NFATC2: variants seen among roughly 807,000 people sequenced by gnomAD.
The protein encoded by NFATC2 is nuclear factor of activated T-cells, cytoplasmic 2.
NFATC2 carries 22 observed loss-of-function variants against 87.3 expected under a neutral mutation model. The ratio of observed to expected loss-of-function variants is 0.25; its 90% CI spans 0.18 to 0.36. The LOEUF is 0.36. NFATC2 is among the 10% of genes least tolerant of loss of function. The pLI is 1.00. For synonymous variants in NFATC2, 565 were observed against 542.2 expected (o/e 1.04, Z -0.58); for missense variants, 1,149 against 1,259.1 (o/e 0.91, Z 1.32).
upstream of NFATC2, among the ~76,000 whole-genome samples, chr20:51,543,176 T>C (rs2076853632): frequency 6.6e-6 from 1 of 152,148 alleles, no homozygotes; most frequent in South Asian, 2.1e-4. Flanking sequence ...TGCATGGCCC[T>C]GAACTCAACT....
upstream of NFATC2, chr20:51,562,788 G>T: frequency 1.7e-6 from 1 of 598,368 alleles, no homozygotes; most frequent in Non-Finnish European, 2.9e-6. The surrounding 1 kb of genome is among the most constrained non-coding windows in gnomAD (Gnocchi z 5.8). Flanking sequence ...CCGGCTCCCG[G>T]CTCGGCGGAG....
chr20:51,533,130 CAG>C (rs368783492), intron 1 of NFATC2, among the ~76,000 whole-genome samples: 1 of 152,236 alleles, frequency 6.6e-6, no homozygotes, highest in Admixed American at 6.5e-5. Flanking sequence ...GGGGAGCAGA[CAG>C]AGAGGCAAAC....
intron 3 of NFATC2, among the ~76,000 whole-genome samples, chr20:51,515,685 T>TAAA (rs11481096): frequency 3.5e-5 from 5 of 144,458 alleles, no homozygotes; most frequent in African/African-American, 1.3e-4. Context: ...GTGTCTGATT[T>TAAA]AAAAAAAAAA....
chr20:51,525,782 A>T (rs1221988842), intron 1 of NFATC2, among the ~76,000 whole-genome samples: 1 of 151,594 alleles, frequency 6.6e-6, no homozygotes, highest in Non-Finnish European at 1.5e-5. Context: ...TGGCCTCCCC[A>T]CTTCCTCTGT....
At chr20:51,411,516 CTTTTTTTTTTTTTT>C (rs67935951) in intron 9 of NFATC2, among the ~76,000 whole-genome samples, 1,580 of 87,256 alleles carry the variant, frequency 0.018, 39 homozygotes, top group African/African-American at 0.062. Flanking sequence ...ATGCAATTGT[CTTTTTTTTTTTTTT>C]TTTTTTTTTT....
At chr20:51,489,313 G>A (rs917883066) in intron 3 of NFATC2, among the ~76,000 whole-genome samples, 1 of 152,234 alleles carries the variant, frequency 6.6e-6, no homozygotes, top group African/African-American at 2.4e-5. Flanking sequence ...GGAGTATAGA[G>A]GTGGTAGCTG....
intron 3 of NFATC2, among the ~76,000 whole-genome samples, chr20:51,502,680 G>C (rs1600887530): frequency 1.3e-5 from 2 of 151,538 alleles, no homozygotes; most frequent in African/African-American, 2.4e-5. Flanking sequence ...GAGACGGATA[G>C]ATACATGACA....
At chr20:51,438,219 A>T (rs983149051) in intron 6 of NFATC2, among the ~76,000 whole-genome samples, 16 of 152,200 alleles carry the variant, frequency 1.1e-4, no homozygotes, top group African/African-American at 3.1e-4. Flanking sequence ...CAGGAGCGTG[A>T]CTGTACAGGC....
chr20:51,450,998 C>T (rs182761722), intron 6 of NFATC2, among the ~76,000 whole-genome samples: 143 of 152,350 alleles, frequency 9.4e-4, no homozygotes, highest in African/African-American at 3.3e-3. Context: ...TGCTTAAAAG[C>T]TGGCTGACTC....
At chr20:51,476,063 G>A (rs949618271) in intron 3 of NFATC2, among the ~76,000 whole-genome samples, 2 of 142,112 alleles carry the variant, frequency 1.4e-5, no homozygotes, top group African/African-American at 2.7e-5. Context: ...TCAGAAGAAA[G>A]AACTGTCACT....
chr20:51,492,003 G>T (rs541500767), intron 3 of NFATC2, among the ~76,000 whole-genome samples: 1 of 150,428 alleles, frequency 6.6e-6, no homozygotes, highest in African/African-American at 2.4e-5. Context: ...CCAGCCCCGC[G>T]CCCCCGGAGT....
chr20:51,442,159 C>A (rs1250375867), intron 6 of NFATC2, among the ~76,000 whole-genome samples: 1 of 152,082 alleles, frequency 6.6e-6, no homozygotes, highest in Non-Finnish European at 1.5e-5. Flanking sequence ...TTGCTGGGCA[C>A]GGTGGCTCAC....
chr20:51,561,900 C>T (rs1284765025), intron 1 of NFATC2, among the ~76,000 whole-genome samples: 1 of 152,036 alleles, frequency 6.6e-6, no homozygotes, highest in Non-Finnish European at 1.5e-5. Flanking sequence ...TGGTGTGATA[C>T]CAGGACTAAA....
intron 3 of NFATC2, among the ~76,000 whole-genome samples, chr20:51,505,957 G>A (rs972544572): frequency 1.3e-5 from 2 of 152,132 alleles, no homozygotes; most frequent in African/African-American, 2.4e-5. Context: ...GAAAAACAAT[G>A]AGCATATCTT....
intron 10 of NFATC2, 105 bp from the exon 11 acceptor site, chr20:51,391,556 T>C (rs1986350628): frequency 1.6e-6 from 2 of 1,227,276 alleles, no homozygotes; most frequent in Non-Finnish European, 2.3e-6. Flanking sequence ...GGGCTATTGA[T>C]TTTTGAGACA....
chr20:51,561,542 G>C (rs933035161), intron 1 of NFATC2, among the ~76,000 whole-genome samples: 1 of 148,870 alleles, frequency 6.7e-6, no homozygotes, highest in Non-Finnish European at 1.5e-5. Context: ...AGCCTCTCAG[G>C]TTTATTTACT....
intron 10 of NFATC2, among the ~76,000 whole-genome samples, chr20:51,395,444 A>G (rs895437493): frequency 6.7e-6 from 1 of 150,304 alleles, no homozygotes; most frequent in Non-Finnish European, 1.5e-5. Flanking sequence ...CTTAGCCAGC[A>G]GAGAGAGGCC....
intron 6 of NFATC2, among the ~76,000 whole-genome samples, chr20:51,446,752 A>G (rs1985110001): frequency 6.6e-6 from 1 of 152,250 alleles, no homozygotes. Context: ...CGGAGTTGCA[A>G]TCTGGATCGC....
At chr20:51,471,160 G>A (rs1988166397) in intron 5 of NFATC2, among the ~76,000 whole-genome samples, 2 of 152,138 alleles carry the variant, frequency 1.3e-5, no homozygotes, top group Non-Finnish European at 1.5e-5. Context: ...GTGGTTAAGC[G>A]ATGATCCTCA....
Sources: gnomAD v4.1 joint callset for allele counts (sites outside exome capture counted in the v4.1 genomes callset) on GRCh38, gnomAD v4.1.1 for gene constraint, Gnocchi (gnomAD v3.1) non-coding constraint, MANE v1.5 for transcripts, NCBI Gene and HGNC (gene_info 2026-07-23, HGNC 2026-07-21) for gene names.